Variants in NDRG4 observed in about 807,000 individuals in gnomAD.
The protein encoded by NDRG4 is protein NDRG4.
NDRG4 carries 38 observed loss-of-function variants against 55.8 expected under a neutral mutation model. The ratio of observed to expected loss-of-function variants is 0.68; its 90% CI spans 0.53 to 0.89. NDRG4 has a LOEUF of 0.89. NDRG4 is among the 40% of genes least tolerant of loss of function. The probability of loss-of-function intolerance (pLI) is 0.00; values close to 1 mark genes in which losing one functional copy is unlikely to be tolerated. For missense variants in NDRG4, 455 were observed against 468.6 expected (o/e 0.97, Z 0.27); for synonymous variants, 190 against 182.7 (o/e 1.04, Z -0.32).
intron 1 of NDRG4, chr16:58,500,986 A>G (rs1022946975): frequency 3.2e-6 from 4 of 1,243,436 alleles, no homozygotes; most frequent in Admixed American, 4.2e-5. Flanking sequence ...CTTATTTTGT[A>G]GGTGGGGGAA....
intron 1 of NDRG4, among the ~76,000 whole-genome samples, chr16:58,468,932 C>A (rs2032265268): frequency 6.6e-6 from 1 of 152,116 alleles, no homozygotes; most frequent in Non-Finnish European, 1.5e-5. Context: ...GGCACTCGAG[C>A]AATATGTTCC....
downstream of NDRG4, among the ~76,000 whole-genome samples, chr16:58,515,123 T>C (rs1387289889): frequency 2.6e-5 from 4 of 152,140 alleles, no homozygotes; most frequent in African/African-American, 9.7e-5. Context: ...TCCATGGCCA[T>C]CGGCAACAAG....
chr16:58,506,973 T>C lies in NDRG4; in HGVS notation c.578T>C (p.Val193Ala). Reference sequence around the variant, plus strand: ...TACCGGCAGCAGATTGGGAACGTGGTGAACCAGGCCAACCTGCAGCTCTTC... The same window carrying C: ...TACCGGCAGCAGATTGGGAACGTGGCGAACCAGGCCAACCTGCAGCTCTTC... ...QSYRQQIGNV[V>A]NQANLQLFWN... The change falls in exon 8 of 15, where the codon GTG becomes GCG. Residue 193 changes from valine to alanine, a missense_variant. By Grantham distance (64) the Val-to-Ala change is moderately conservative. Transcript: ENST00000570248. The C allele has an allele frequency of 6.2e-7, 1 of 1,614,066 alleles. No homozygotes were observed. Among genetic ancestry groups the C allele is most frequent in the Non-Finnish European group, 8.5e-7 (1 of 1,179,996 alleles).
intron 2 of NDRG4, among the ~76,000 whole-genome samples, chr16:58,494,327 TTCC>T (rs2036144435): frequency 2.0e-5 from 3 of 152,124 alleles, no homozygotes; most frequent in Non-Finnish European, 2.9e-5. Context: ...AGGTCCCTCT[TTCC>T]CCCTCACTGT....
In NDRG4 at chr16:58,511,810, TC is replaced by T; in HGVS notation, c.*235del. On this transcript the variant is annotated 3_prime_UTR_variant, in exon 15 of 15. Transcript: ENST00000570248. ...GGTAACTTAGCCAACTTGACCCCTC[TC>T]ATCCCACTCCCGGCGGCCCAGGCAC... is the stretch of plus-strand genomic sequence containing the variant. 2 of 599,052 alleles carry T rather than the reference TC, an allele frequency of 3.3e-6. No individual in the cohort carries two copies. The highest frequency in any genetic ancestry group is 6.1e-6 in the Non-Finnish European group (2 of 328,530). The allele number at this position is 599,052 out of a possible 1,614,324, so 37.1% of individuals were successfully genotyped here.
chr16:58,465,031 G>C (rs923241663), intron 1 of NDRG4: 2 of 1,255,088 alleles, frequency 1.6e-6, no homozygotes, highest in Admixed American at 2.4e-5. Flanking sequence ...CATCCAGGGG[G>C]CAGTGGCTGG....
chr16:58,512,131 G>A lies in NDRG4; in HGVS notation c.*555G>A, dbSNP rs1567364800. The A allele has an allele frequency of 2.2e-6, 1 of 456,248 alleles. No individual in the cohort carries two copies. Among genetic ancestry groups the A allele is most frequent in the South Asian group, 1.6e-5 (1 of 64,500 alleles). The allele number at this position is 456,248 out of a possible 1,614,324, so 28.3% of individuals were successfully genotyped here. ...TTCCTGGTGCTCTCTGGGCCCAGCTGGTGCTGTAGGGCCACGCAGGCAGGG... is the reference window on the plus strand; with the variant it reads ...TTCCTGGTGCTCTCTGGGCCCAGCTAGTGCTGTAGGGCCACGCAGGCAGGG... On this transcript the variant is annotated 3_prime_UTR_variant, in exon 15 of 15. Coordinates refer to ENST00000570248, the MANE Select transcript of NDRG4 (RefSeq NM_001242835.2).
Position 58,508,981 on chromosome 16 carries a change from T to A in NDRG4, c.749T>A (p.Leu250Gln), listed in dbSNP as rs771099054. 1 of 1,614,066 alleles carries A rather than the reference T, an allele frequency of 6.2e-7. No individual in the cohort carries two copies. The highest frequency in any genetic ancestry group is 8.5e-7 in the Non-Finnish European group (1 of 1,179,988). The change falls in exon 11 of 15, where the codon CTG (leucine) becomes CAG (glutamine). Residue 250 changes from leucine (L) to glutamine (Q), a missense_variant. By Grantham distance (113) the Leu-to-Gln change is moderately radical. Transcript: ENST00000570248. The stretch of plus-strand genomic sequence containing the variant: ...CCTCAGGTGGAGTGCAACTCCAAAC[T>A]GGACCCGACCACTACGACCTTCCTG... Reference protein sequence around the residue: ...EDGVVECNSKLDPTTTTFLKM... With the variant: ...EDGVVECNSKQDPTTTTFLKM...
chr16:58,482,107 G>A (rs146605570), intron 1 of NDRG4, among the ~76,000 whole-genome samples: 21 of 152,232 alleles, frequency 1.4e-4, no homozygotes, highest in African/African-American at 4.3e-4. Flanking sequence ...GCTCCCACTC[G>A]GCCACATCAT....
chr16:58,509,504 A>G (rs2038503958), intron 13 of NDRG4, 152 bp downstream of exon 13: 1 of 760,234 alleles, frequency 1.3e-6, no homozygotes, highest in Non-Finnish European at 2.1e-6. Flanking sequence ...TGGGCCCCGG[A>G]TGCTGGGCCC....
At position 58,509,012 on chromosome 16, in the gene NDRG4, G is replaced by A. The variant is rs142344402; in HGVS notation, c.777+3G>A. On this transcript the variant is annotated splice_donor_region_variant and intron_variant, in intron 11 of 14. Transcript: ENST00000570248. The stretch of plus-strand genomic sequence containing the variant: ...CGACCACTACGACCTTCCTGAAGGT[G>A]AGGCTTTCTTCCCCAGCCCTGGGCC... 5.0e-3 allele frequency: 8,001 copies of A among 1,614,126 alleles called. 33 individuals carry two copies. Among genetic ancestry groups the A allele is most frequent in the Non-Finnish European group, 6.2e-3 (7,271 of 1,180,006 alleles).
intron 8 of NDRG4, chr16:58,507,243 C>G: frequency 1.8e-6 from 1 of 559,646 alleles, no homozygotes; most frequent in South Asian, 2.2e-5. Flanking sequence ...TTCCTCCTCC[C>G]CTGGGGGCTT....
At chr16:58,500,732 T>G in intron 1 of NDRG4, 1 of 423,278 alleles carries the variant, frequency 2.4e-6, no homozygotes, top group Admixed American at 4.0e-5. Flanking sequence ...GTGTGCCCAG[T>G]GTGCGTGCCG....
At chr16:58,515,387 T>A, downstream of NDRG4, 1 of 810,326 alleles carries the variant, frequency 1.2e-6, no homozygotes, top group Non-Finnish European at 1.8e-6. Flanking sequence ...GATGTTTTCA[T>A]GAGGAACGAT....
chr16:58,503,351 G>A (rs548831083), intron 1 of NDRG4, among the ~76,000 whole-genome samples: 18 of 152,320 alleles, frequency 1.2e-4, no homozygotes, highest in African/African-American at 3.6e-4. Flanking sequence ...TGGCTGGCAC[G>A]GGGTGTTTTC....
chr16:58,506,982 C>T lies in NDRG4; in HGVS notation c.587C>T (p.Ala196Val), dbSNP rs755450175. Residue 196 changes from alanine (A) to valine (V), a missense_variant, in exon 8 of 15, where the codon GCC (alanine) becomes GTC (valine). Coordinates refer to ENST00000570248, the MANE Select transcript of NDRG4 (RefSeq NM_001242835.2). ...CAGATTGGGAACGTGGTGAACCAGG[C>T]CAACCTGCAGCTCTTCTGGAACATG... is the stretch of plus-strand genomic sequence containing the variant. The part of the protein sequence containing the change: ...RQQIGNVVNQ[A>V]NLQLFWNMYN... 3.1e-6 allele frequency: 5 copies of T among 1,613,990 alleles called. No individual in the cohort carries two copies. The highest frequency in any genetic ancestry group is 4.2e-6 in the Non-Finnish European group (5 of 1,179,956).
At chr16:58,497,880 T>C (rs1291156292), upstream of NDRG4, among the ~76,000 whole-genome samples, 2 of 152,114 alleles carry the variant, frequency 1.3e-5, no homozygotes, top group Non-Finnish European at 2.9e-5. Flanking sequence ...CTGCAGTTTT[T>C]TCTGATTCTC....
rs954366587 is a variant in NDRG4 at position 58,509,249 on chromosome 16, C to A, written c.814-52C>A. On this transcript the variant is annotated intron_variant, in intron 12 of 14. Transcript: ENST00000570248. ...GGGGAGGGGGAAGCCTCTACCCTAC[C>A]TGCTAATCCTAGGCAGCCAATGAAA... The A allele has an allele frequency of 8.7e-6, 14 of 1,613,726 alleles. 1 individual carries two copies. Among genetic ancestry groups the A allele is most frequent in the Middle Eastern group, 1.6e-4 (1 of 6,084 alleles).
intron 1 of NDRG4, among the ~76,000 whole-genome samples, chr16:58,473,511 C>T (rs2033160110): frequency 6.6e-6 from 1 of 152,128 alleles, no homozygotes; most frequent in East Asian, 1.9e-4. Flanking sequence ...CTCCACCTGG[C>T]TCAGGTCTAA....
Sources: allele counts gnomAD v4.1 joint callset (sites outside exome capture counted in the v4.1 genomes callset), GRCh38; gene constraint gnomAD v4.1.1; transcripts MANE v1.5; gene names NCBI Gene and HGNC (gene_info 2026-07-23, HGNC 2026-07-21).